WEE2: variants seen among roughly 807,000 people sequenced by gnomAD.
WEE2 encodes wee1-like protein kinase 2.
A neutral mutation model predicts 60.1 loss-of-function variants in WEE2; 50 were observed. The observed-to-expected ratio is 0.83, with a 90% CI of 0.66 to 1.05. The LOEUF is 1.05. WEE2 is among the 50% of genes least tolerant of loss of function. WEE2 has a pLI of 0.00. For missense variants in WEE2, 631 were observed against 684.3 expected, an observed-to-expected ratio of 0.92 and a Z score of 0.87; for synonymous variants, 240 against 241.0, an observed-to-expected ratio of 1.00 and a Z score of 0.04.
At chr7:141,712,762 A>G (rs1014066911) in intron 1 of WEE2, among the ~76,000 whole-genome samples, 1 of 152,236 alleles carries the variant, frequency 6.6e-6, no homozygotes, top group African/African-American at 2.4e-5. Context: ...TATGTGCTGC[A>G]TTCCAGGTGT....
chr7:141,709,451 C>T (rs1225912380), intron 1 of WEE2, among the ~76,000 whole-genome samples: 1 of 152,086 alleles, frequency 6.6e-6, no homozygotes, highest in Non-Finnish European at 1.5e-5. Context: ...ATGAAGGGCC[C>T]AAGACAGAAA....
chr7:141,719,197 T>TTA lies in WEE2; in HGVS notation c.713_714dup (p.Ala239MetfsTer3). On this transcript the variant is annotated frameshift_variant, in exon 4 of 12. Coordinates refer to ENST00000397541, the MANE Select transcript of WEE2 (RefSeq NM_001105558.1). LOFTEE classifies it high-confidence loss of function. ...GCATTAAGAGGCTGGATGGATGTGT[T>TTA]TATGCAATAAAGCGCTCTATGAAAA... 1 of 1,613,764 alleles carries TTA rather than the reference T, an allele frequency of 6.2e-7. No individual in the cohort carries two copies. Among genetic ancestry groups the TTA allele is most frequent in the Non-Finnish European group, 8.5e-7 (1 of 1,179,812 alleles).
intron 1 of WEE2, among the ~76,000 whole-genome samples, chr7:141,713,576 T>C (rs1178875991): frequency 6.6e-6 from 1 of 152,228 alleles, no homozygotes; most frequent in Non-Finnish European, 1.5e-5. Context: ...TAATTTTCAA[T>C]CTCATTACCG....
intron 1 of WEE2, among the ~76,000 whole-genome samples, chr7:141,712,779 C>A (rs1798728140): frequency 6.6e-6 from 1 of 152,096 alleles, no homozygotes; most frequent in Non-Finnish European, 1.5e-5. Context: ...GTGTGGCTAC[C>A]CACTGTTTCA....
rs985204184 is a variant in WEE2, at chr7:141,729,684, T to G, written c.1678+11T>G. On this transcript the variant is annotated intron_variant, in intron 11 of 11. Transcript: ENST00000397541. ...CTTCAAGCTTTACCTGTGAGTAATC[T>G]TCCCCTTAAGAACTCATTTTGCAGC... The G allele has an allele frequency of 1.2e-6, 2 of 1,606,600 alleles. No individual in the cohort carries two copies. The highest frequency in any genetic ancestry group is 1.7e-6 in the Non-Finnish European group (2 of 1,177,476).
intron 10 of WEE2, among the ~76,000 whole-genome samples, chr7:141,728,918 C>A (rs1247551821): frequency 6.6e-6 from 1 of 152,196 alleles, no homozygotes; most frequent in Non-Finnish European, 1.5e-5. Context: ...CAGTTTCATC[C>A]TGAAACCATC....
rs1048496245 is a variant in WEE2 at position 141,711,316 on chromosome 7, G to C, written c.342+2216G>C. 1.3e-5 allele frequency among the ~76,000 whole-genome samples: 2 copies of C among 151,826 alleles called. No homozygotes were observed. The highest frequency in any genetic ancestry group is 4.8e-5 in the African/African-American group (2 of 41,400). ...CCAGAGTAAGGAGAGAAGTGGCCCAGTTAGAAATCTTGGATAATGCATTTA... is the reference window on the plus strand; with the variant it reads ...CCAGAGTAAGGAGAGAAGTGGCCCACTTAGAAATCTTGGATAATGCATTTA... On this transcript the variant is annotated intron_variant, in intron 1 of 11. Coordinates refer to ENST00000397541, the MANE Select transcript of WEE2 (RefSeq NM_001105558.1). The surrounding 1 kb of genome is among the most constrained non-coding windows in gnomAD (Gnocchi z 4.2).
At chr7:141,729,498 A>G in intron 10 of WEE2, 33 bp from the exon 11 acceptor site, 3 of 1,614,180 alleles carry the variant, frequency 1.9e-6, no homozygotes, top group Non-Finnish European at 2.5e-6. Context: ...CTGGAGATCA[A>G]GTAGCCTTTG....
At position 141,727,386 on chromosome 7, in the gene WEE2, A is replaced by G. The variant is rs1276993677; in HGVS notation, c.1475A>G (p.Lys492Arg). The change falls in exon 10 of 12, where the codon AAA (lysine) becomes AGA (arginine). Residue 492 changes from lysine (K) to arginine (R), a missense_variant. Lys to Arg is a conservative substitution (Grantham distance 26, BLOSUM62 2). Transcript: ENST00000397541. ...ACAGTTCTCCGGCCTTCCCTGGGAA[A>G]AACAGAAGAGCTCCAACAGCAGCTG... The part of the protein sequence containing the change: ...RNTVLRPSLG[K>R]TEELQQQLNL... 1 of 1,614,108 alleles carries G rather than the reference A, an allele frequency of 6.2e-7. No individual in the cohort carries two copies. The highest frequency in any genetic ancestry group is 8.5e-7 in the Non-Finnish European group (1 of 1,179,960).
At position 141,723,930 on chromosome 7, in the gene WEE2, T is replaced by C; in HGVS notation, c.1028-11T>C. The C allele has an allele frequency of 6.4e-7, 1 of 1,571,514 alleles. No homozygotes were observed. The highest frequency in any genetic ancestry group is 2.2e-5 in the East Asian group (1 of 44,566). On this transcript the variant is annotated splice_polypyrimidine_tract_variant and intron_variant, in intron 6 of 11. Coordinates refer to ENST00000397541, the MANE Select transcript of WEE2 (RefSeq NM_001105558.1). ...TCATTACTTACATCTATCCTGTCAT[T>C]TTTTTTTCAGGTAATATATTCATTT...
At chr7:141,709,200 C>A in intron 1 of WEE2, 100 bp downstream of exon 1, 1 of 876,392 alleles carries the variant, frequency 1.1e-6, no homozygotes. Context: ...ACAGTCACCT[C>A]CAGGCTGTGT....
At chr7:141,726,183 A>G (rs1799013537) in intron 9 of WEE2, among the ~76,000 whole-genome samples, 1 of 152,228 alleles carries the variant, frequency 6.6e-6, no homozygotes, top group South Asian at 2.1e-4. Context: ...TGTATATATG[A>G]CTTTAAATCA....
At chr7:141,729,453 A>T (rs1438145444) in intron 10 of WEE2, 78 bp from the exon 11 acceptor site, 66 of 1,575,468 alleles carry the variant, frequency 4.2e-5, no homozygotes, top group Non-Finnish European at 5.6e-5. Context: ...GAAGAAAAAC[A>T]TTTATATATT....
intron 8 of WEE2, 44 bp from the exon 9 acceptor site, chr7:141,724,982 C>G (rs751939210): frequency 1.3e-6 from 2 of 1,592,042 alleles, no homozygotes; most frequent in South Asian, 2.3e-5. Flanking sequence ...CTAGACTCAC[C>G]CTGCTTGGCA....
intron 10 of WEE2, chr7:141,727,700 G>A: frequency 1.4e-5 from 6 of 425,606 alleles, no homozygotes; most frequent in Non-Finnish European, 2.1e-5. Context: ...AGGAATATAA[G>A]GAAATACCAG....
In WEE2 at chr7:141,720,972, C is replaced by G; in HGVS notation, c.796C>G (p.Leu266Val). Residue 266 changes from leucine to valine, a missense_variant, in exon 5 of 12, where the codon CTT becomes GTT. Coordinates refer to ENST00000397541, the MANE Select transcript of WEE2 (RefSeq NM_001105558.1). ...GCATGAAGTTTATGCTCACGCAGTG[C>G]TTGGGCATCACCCCCATGTGGTACG... Reference protein sequence around the residue: ...ALHEVYAHAVLGHHPHVVRYY... With the variant: ...ALHEVYAHAVVGHHPHVVRYY... 1 of 1,614,194 alleles carries G rather than the reference C, an allele frequency of 6.2e-7. No individual in the cohort carries two copies. The highest frequency in any genetic ancestry group is 8.5e-7 in the Non-Finnish European group (1 of 1,179,998).
chr7:141,719,502 GT>G (rs1327956138), intron 4 of WEE2, among the ~76,000 whole-genome samples: 1 of 152,198 alleles, frequency 6.6e-6, no homozygotes, highest in Non-Finnish European at 1.5e-5. Flanking sequence ...CCAGGCTAGA[GT>G]GCAGTGGTGT....
At chr7:141,713,577 C>T (rs964868591) in intron 1 of WEE2, among the ~76,000 whole-genome samples, 1 of 152,186 alleles carries the variant, frequency 6.6e-6, no homozygotes, top group African/African-American at 2.4e-5. Context: ...AATTTTCAAT[C>T]TCATTACCGC....
intron 8 of WEE2, 151 bp from the exon 9 acceptor site, chr7:141,724,875 A>C: frequency 3.4e-6 from 3 of 890,124 alleles, no homozygotes; most frequent in South Asian, 1.8e-5. Flanking sequence ...TCTCTTCTCT[A>C]GAAATCACTA....
Sources: gnomAD v4.1 joint callset for allele counts (sites outside exome capture counted in the v4.1 genomes callset) on GRCh38, gnomAD v4.1.1 for gene constraint, Gnocchi (gnomAD v3.1) non-coding constraint, MANE v1.5 for transcripts, NCBI Gene and HGNC (gene_info 2026-07-23, HGNC 2026-07-21) for gene names.